CSMD1: variants seen among roughly 807,000 people sequenced by gnomAD.
CSMD1 encodes CUB and sushi domain-containing protein 1.
Under a neutral mutation model 417.5 loss-of-function variants are expected in CSMD1, and 213 were observed. The observed-to-expected ratio is 0.51, with a 90% confidence interval of 0.46 to 0.57. The LOEUF (loss-of-function observed/expected upper bound fraction) is 0.57. Among genes scored for constraint, CSMD1 ranks in the 20% least tolerant of loss-of-function variants. The pLI, the probability that CSMD1 is intolerant of heterozygous loss-of-function variation, is 0.00. For synonymous variants in CSMD1, 2,862 were observed against 1,736.8 expected (o/e 1.65, Z -16.11); for missense variants, 6,923 against 4,529.7 (o/e 1.53, Z -15.17).
chr8:4,415,830 T>C (rs1796903604), intron 3 of CSMD1, among the ~76,000 whole-genome samples: 1 of 152,210 alleles, frequency 6.6e-6, no homozygotes, highest in African/African-American at 2.4e-5. Flanking sequence ...TATGTATTTG[T>C]GTATGTGTGT....
At chr8:4,516,110 T>C (rs1803106260) in intron 2 of CSMD1, among the ~76,000 whole-genome samples, 1 of 152,032 alleles carries the variant, frequency 6.6e-6, no homozygotes, top group South Asian at 2.1e-4. Flanking sequence ...GGGGGCTGAG[T>C]TCTTTAGAGA....
intron 2 of CSMD1, among the ~76,000 whole-genome samples, chr8:4,513,847 A>C (rs1158910700): frequency 1.3e-5 from 2 of 152,166 alleles, no homozygotes; most frequent in Non-Finnish European, 2.9e-5. Flanking sequence ...TGACAACCAT[A>C]AAATTATTTT....
intron 5 of CSMD1, among the ~76,000 whole-genome samples, chr8:3,878,998 T>C (rs1351316677): frequency 1.3e-5 from 2 of 152,294 alleles, no homozygotes; most frequent in African/African-American, 4.8e-5. Context: ...AAAAATAATA[T>C]ATTAGTACTA....
chr8:3,857,879 G>T (rs1185864111), intron 5 of CSMD1, among the ~76,000 whole-genome samples: 3 of 152,224 alleles, frequency 2.0e-5, no homozygotes, highest in Admixed American at 1.3e-4. Context: ...TACGTGATAT[G>T]TAACAGGGAT....
At chr8:4,073,569 A>C (rs1799670757) in intron 3 of CSMD1, among the ~76,000 whole-genome samples, 1 of 152,272 alleles carries the variant, frequency 6.6e-6, no homozygotes, top group Non-Finnish European at 1.5e-5. Flanking sequence ...TTAATCCTAC[A>C]GTATGAGGGA....
chr8:3,258,370 A>G (rs1800811290), intron 26 of CSMD1, among the ~76,000 whole-genome samples: 1 of 152,338 alleles, frequency 6.6e-6, no homozygotes, highest in South Asian at 2.1e-4. Context: ...CGTTAGAGAA[A>G]TGCAAATTAA....
At chr8:3,612,359 A>T (rs1208035266) in intron 8 of CSMD1, among the ~76,000 whole-genome samples, 1 of 152,058 alleles carries the variant, frequency 6.6e-6, no homozygotes, top group Non-Finnish European at 1.5e-5. Flanking sequence ...ATTTTAGTAG[A>T]TGATTTAGAT....
intron 5 of CSMD1, among the ~76,000 whole-genome samples, chr8:3,938,869 A>G (rs1810682376): frequency 6.6e-6 from 1 of 152,156 alleles, no homozygotes; most frequent in African/African-American, 2.4e-5. Flanking sequence ...AAGGCAAGTG[A>G]ATCATTAAGT....
chr8:3,415,083 AT>A (rs1315237952), intron 12 of CSMD1, among the ~76,000 whole-genome samples: 1 of 152,176 alleles, frequency 6.6e-6, no homozygotes, highest in Non-Finnish European at 1.5e-5. Flanking sequence ...TAAACTTGCA[AT>A]TTAATGATTT....
chr8:4,935,714 G>A (rs1407880620), intron 1 of CSMD1, among the ~76,000 whole-genome samples: 3 of 152,144 alleles, frequency 2.0e-5, no homozygotes, highest in Non-Finnish European at 2.9e-5. Context: ...TTGAGGAATG[G>A]CGTGCAGGCA....
At chr8:3,881,507 G>C (rs917507342) in intron 5 of CSMD1, among the ~76,000 whole-genome samples, 1 of 150,522 alleles carries the variant, frequency 6.6e-6, no homozygotes, top group Non-Finnish European at 1.5e-5. Context: ...CGTAGTGGTG[G>C]GTGCCTGTAA....
chr8:3,105,557 C>T (rs1428726339), intron 46 of CSMD1, among the ~76,000 whole-genome samples: 2 of 152,166 alleles, frequency 1.3e-5, no homozygotes, highest in Admixed American at 1.3e-4. Context: ...ATCTACTTGT[C>T]TTCTAATAGA....
rs1209618305 is a variant in CSMD1 at position 4,447,340 on chromosome 8, A to T, written c.303-27275T>A. ...ATGAATTATCAGAATGTGGTCATTC[A>T]AAATGCTATACAAGTTAAGAGGAAA... On this transcript the variant is annotated intron_variant, in intron 2 of 69. Coordinates refer to ENST00000635120, the MANE Select transcript of CSMD1 (RefSeq NM_033225.6). Among the ~76,000 whole-genome samples the T allele has an allele frequency of 2.0e-5, 3 of 152,196 alleles. No individual in the cohort carries two copies. In the East Asian group the frequency reaches 5.8e-4, roughly 29 times the overall value.
intron 3 of CSMD1, among the ~76,000 whole-genome samples, chr8:4,108,277 A>G (rs1367465677): frequency 6.6e-6 from 1 of 152,192 alleles, no homozygotes; most frequent in Non-Finnish European, 1.5e-5. Context: ...ATGCTGTTGA[A>G]TGATCTCTGG....
In CSMD1 at chr8:4,878,579, AAG is replaced by A. The variant is rs532700186; in HGVS notation, c.85+115751_85+115752del. On this transcript the variant is annotated intron_variant, in intron 1 of 69. Coordinates refer to ENST00000635120, the MANE Select transcript of CSMD1 (RefSeq NM_033225.6). ...AAGTCAATAGAATACAAGACACAAA[AAG>A]AGAGCATAATTTCTATCACCAGTTA... is the stretch of plus-strand genomic sequence containing the variant. Among the ~76,000 whole-genome samples, 67 of 152,070 alleles carry A rather than the reference AAG, an allele frequency of 4.4e-4. No homozygotes were observed. In the South Asian group the frequency reaches 0.014, roughly 31 times the overall value.
At chr8:3,350,758 A>G (rs1055301365) in intron 21 of CSMD1, among the ~76,000 whole-genome samples, 1 of 152,222 alleles carries the variant, frequency 6.6e-6, no homozygotes, top group Non-Finnish European at 1.5e-5. Flanking sequence ...ACAAGAAAGA[A>G]TAATTGAGCA....
chr8:3,029,634 A>G (rs373628897), intron 50 of CSMD1, 121 bp from the exon 51 acceptor site: 2 of 738,366 alleles, frequency 2.7e-6, no homozygotes, highest in South Asian at 1.8e-5. Context: ...AGTTGATGCC[A>G]TTACGTATTA....
At chr8:3,843,970 T>C (rs1236025690) in intron 5 of CSMD1, among the ~76,000 whole-genome samples, 3 of 152,052 alleles carry the variant, frequency 2.0e-5, no homozygotes, top group African/African-American at 2.4e-5. Context: ...ACTCAGAAAA[T>C]GTACTCAAAC....
chr8:4,966,495 A>G (rs1809867208), intron 1 of CSMD1, among the ~76,000 whole-genome samples: 1 of 152,190 alleles, frequency 6.6e-6, no homozygotes, highest in South Asian at 2.1e-4. Context: ...ACACATCGCG[A>G]GGCCCTTAAG....
Sources: allele counts gnomAD v4.1 joint callset (sites outside exome capture counted in the v4.1 genomes callset), GRCh38; gene constraint gnomAD v4.1.1; transcripts MANE v1.5; gene names NCBI Gene and HGNC (gene_info 2026-07-23, HGNC 2026-07-21).